The following RIC1 variants were observed in gnomAD, a reference collection of about 807,000 sequenced individuals.
RIC1 encodes guanine nucleotide exchange factor subunit RIC1.
Under a neutral mutation model 169.0 loss-of-function variants are expected in RIC1, and 88 were observed. The ratio of observed to expected loss-of-function variants is 0.52; its 90% CI spans 0.44 to 0.62. The LOEUF is 0.62. Among genes scored for constraint, RIC1 ranks in the 20% least tolerant of loss-of-function variants. The pLI is 0.00. For missense variants in RIC1, 1,877 were observed against 1,725.5 expected, an observed-to-expected ratio of 1.09 and a Z score of -1.56; for synonymous variants, 790 against 601.5, an observed-to-expected ratio of 1.31 and a Z score of -4.59.
At position 5,714,077 on chromosome 9, in the gene RIC1, AG is replaced by A. The variant is rs896140386; in HGVS notation, c.440+76del. 14 of 879,114 alleles carry A rather than the reference AG, an allele frequency of 1.6e-5. No individual in the cohort carries two copies. The African/African-American group carries it at 2.2e-4, about 14-fold the overall frequency. The allele number at this position is 879,114 out of a possible 1,614,324, so 54.5% of individuals were successfully genotyped here. A position where few individuals can be genotyped will look rare whatever the true frequency, so the allele number is the denominator to read the frequency against. On this transcript the variant is annotated intron_variant, in intron 4 of 25. Transcript: ENST00000414202. The stretch of plus-strand genomic sequence containing the variant: ...GTAGTTCGTAAATCCCATGACCAAC[AG>A]GAAAGTTAGTTTAATTTCTTTTAAT...
intron 6 of RIC1, among the ~76,000 whole-genome samples, chr9:5,726,787 G>A (rs1171440081): frequency 6.6e-6 from 1 of 152,162 alleles, no homozygotes; most frequent in African/African-American, 2.4e-5. Context: ...TGTCTGTAAA[G>A]GATTTTATTT....
Position 5,703,185 on chromosome 9 carries a change from C to G in RIC1, c.333-10711C>G, listed in dbSNP as rs569105024. Among the ~76,000 whole-genome samples, 316 of 152,206 alleles carry G rather than the reference C, an allele frequency of 2.1e-3. 1 individual carries two copies. Among genetic ancestry groups the G allele is most frequent in the Non-Finnish European group, 3.7e-3 (249 of 68,012 alleles). ...TCTTCTGCCTATGAGCCTGTAAAATCAAAAACAAGTTAATAACTTCCAAGA... is the reference window on the plus strand; with the variant it reads ...TCTTCTGCCTATGAGCCTGTAAAATGAAAAACAAGTTAATAACTTCCAAGA... On this transcript the variant is annotated intron_variant, in intron 3 of 25. Coordinates refer to ENST00000414202, the MANE Select transcript of RIC1 (RefSeq NM_020829.4).
chr9:5,724,494 G>A (rs375560034), intron 6 of RIC1, among the ~76,000 whole-genome samples: 2 of 152,210 alleles, frequency 1.3e-5, no homozygotes, highest in South Asian at 2.1e-4. Context: ...ATACAATCAT[G>A]TCATCTGCAA....
intron 9 of RIC1, 42 bp downstream of exon 9, chr9:5,743,055 A>G (rs754844177): frequency 1.1e-5 from 17 of 1,568,538 alleles, no homozygotes; most frequent in Non-Finnish European, 1.5e-5. Flanking sequence ...TAACTCCATT[A>G]TTTCTCACAA....
chr9:5,751,594 A>G lies in RIC1; in HGVS notation c.1453-1606A>G, dbSNP rs918163829. Among the ~76,000 whole-genome samples the G allele has an allele frequency of 1.3e-4, 20 of 150,330 alleles. 1 individual carries two copies. Among genetic ancestry groups the G allele is most frequent in the African/African-American group, 4.5e-4 (18 of 39,700 alleles). On this transcript the variant is annotated intron_variant, in intron 12 of 25. Coordinates refer to ENST00000414202, the MANE Select transcript of RIC1 (RefSeq NM_020829.4). ...GGTCTCAAACTCCTGACCTCAGGCAATCTGCCTGCCTCAGCCTCCCAAAGT... is the reference window on the plus strand; with the variant it reads ...GGTCTCAAACTCCTGACCTCAGGCAGTCTGCCTGCCTCAGCCTCCCAAAGT...
chr9:5,770,027 T>C (rs113137924), intron 22 of RIC1, 60 bp from the exon 23 acceptor site: 1 of 1,417,952 alleles, frequency 7.1e-7, no homozygotes, highest in African/African-American at 1.4e-5. Flanking sequence ...GAATTGAAAA[T>C]GTCAGTGTGT....
intron 1 of RIC1, among the ~76,000 whole-genome samples, chr9:5,651,491 A>G (rs935508747): frequency 6.6e-6 from 1 of 150,378 alleles, no homozygotes; most frequent in South Asian, 2.1e-4. Context: ...CAATATAATG[A>G]ATCATTTCCT....
At chr9:5,707,797 A>G (rs1180395356) in intron 3 of RIC1, among the ~76,000 whole-genome samples, 2 of 152,122 alleles carry the variant, frequency 1.3e-5, no homozygotes, top group African/African-American at 4.8e-5. Context: ...CAGCTTATAA[A>G]TGGACTCATT....
chr9:5,765,329 A>G, intron 19 of RIC1, 85 bp from the exon 20 acceptor site: 2 of 1,415,800 alleles, frequency 1.4e-6, no homozygotes, highest in Non-Finnish European at 1.9e-6. Flanking sequence ...ACATTCTTTG[A>G]GTTTAGAAAA....
At chr9:5,670,845 G>A (rs1050204332) in intron 2 of RIC1, among the ~76,000 whole-genome samples, 5 of 152,162 alleles carry the variant, frequency 3.3e-5, no homozygotes, top group Non-Finnish European at 5.9e-5. Flanking sequence ...GTTTTTCAAG[G>A]ATAGTTTGGT....
intron 2 of RIC1, among the ~76,000 whole-genome samples, chr9:5,682,307 T>A (rs1820900075): frequency 6.6e-6 from 1 of 152,244 alleles, no homozygotes; most frequent in Non-Finnish European, 1.5e-5. Flanking sequence ...CAGTTTTTCC[T>A]TTCCACGTTT....
At chr9:5,636,537 A>G (rs765106439) in intron 1 of RIC1, among the ~76,000 whole-genome samples, 41 of 151,950 alleles carry the variant, frequency 2.7e-4, no homozygotes, top group Non-Finnish European at 5.2e-4. Flanking sequence ...CCAGGCTGGT[A>G]TCGATTCCTG....
At chr9:5,636,273 A>G (rs1172431336) in intron 1 of RIC1, among the ~76,000 whole-genome samples, 1 of 151,854 alleles carries the variant, frequency 6.6e-6, no homozygotes, top group African/African-American at 2.4e-5. Context: ...AATGTATTCT[A>G]AGTATTTAGT....
At chr9:5,761,981 C>G (rs530121602) in intron 17 of RIC1, among the ~76,000 whole-genome samples, 13 of 152,308 alleles carry the variant, frequency 8.5e-5, no homozygotes, top group African/African-American at 2.9e-4. Context: ...CTGTCTTATT[C>G]AAGAACCATA....
intron 2 of RIC1, among the ~76,000 whole-genome samples, chr9:5,678,993 C>A (rs1483745184): frequency 6.6e-6 from 1 of 151,780 alleles, no homozygotes; most frequent in East Asian, 1.9e-4. Flanking sequence ...ACATTTAAGT[C>A]TTTAATCCAT....
intron 6 of RIC1, among the ~76,000 whole-genome samples, chr9:5,723,759 T>G (rs1823765389): frequency 6.6e-6 from 1 of 152,222 alleles, no homozygotes; most frequent in Non-Finnish European, 1.5e-5. Flanking sequence ...AAGGATCCAG[T>G]TTCAGCTTTC....
chr9:5,638,035 T>A (rs1412977465), intron 1 of RIC1, among the ~76,000 whole-genome samples: 2 of 152,198 alleles, frequency 1.3e-5, no homozygotes, highest in Non-Finnish European at 2.9e-5. Flanking sequence ...TATACCCAGT[T>A]TTTTTAGGGT....
At chr9:5,753,262 T>TA in intron 13 of RIC1, 24 bp downstream of exon 13, 1 of 1,609,936 alleles carries the variant, frequency 6.2e-7, no homozygotes, top group Non-Finnish European at 8.5e-7. Context: ...TTGTTGGTGT[T>TA]AACTTTTGTT....
intron 6 of RIC1, among the ~76,000 whole-genome samples, chr9:5,724,171 T>C (rs1274688575): frequency 2.0e-5 from 3 of 152,244 alleles, no homozygotes; most frequent in Non-Finnish European, 2.9e-5. Context: ...TTTCACAATA[T>C]TGATTCTTCC....
Sources: gnomAD v4.1 joint callset for allele counts (sites outside exome capture counted in the v4.1 genomes callset) on GRCh38, gnomAD v4.1.1 for gene constraint, MANE v1.5 for transcripts, NCBI Gene and HGNC (gene_info 2026-07-23, HGNC 2026-07-21) for gene names.